The following RNF43 variants were observed in gnomAD, a reference collection of about 807,000 sequenced individuals.
RNF43 encodes ring finger protein 43, also known as E3 ubiquitin-protein ligase RNF43.
A neutral mutation model predicts 78.4 loss-of-function variants in RNF43; 37 were observed. The observed-to-expected ratio is 0.47, with a 90% CI of 0.36 to 0.62. The LOEUF is 0.62. Ranked by LOEUF, RNF43 falls within the 20% of genes least tolerant of loss-of-function variation. The pLI is 0.00. For synonymous variants in RNF43, 347 were observed against 395.0 expected (o/e 0.88, Z 1.44); for missense variants, 774 against 1,007.9 (o/e 0.77, Z 3.14).
At chr17:58,396,902 C>A (rs1200485526) in intron 2 of RNF43, among the ~76,000 whole-genome samples, 1 of 152,042 alleles carries the variant, frequency 6.6e-6, no homozygotes, top group African/African-American at 2.4e-5. Flanking sequence ...TCAAATAATT[C>A]TCTGTCACTG....
At chr17:58,412,842 C>T (rs375928103) in intron 2 of RNF43, among the ~76,000 whole-genome samples, 25 of 151,096 alleles carry the variant, frequency 1.7e-4, no homozygotes, top group African/African-American at 5.8e-4. Context: ...TTTTAAATCA[C>T]TGTTCTCATA....
At chr17:58,397,056 A>G (rs1280159474) in intron 2 of RNF43, among the ~76,000 whole-genome samples, 1 of 152,090 alleles carries the variant, frequency 6.6e-6, no homozygotes, top group African/African-American at 2.4e-5. Context: ...AAAAAAAAAA[A>G]AACTCCGTGT....
At chr17:58,386,819 T>C (rs1170247704) in intron 2 of RNF43, among the ~76,000 whole-genome samples, 1 of 149,344 alleles carries the variant, frequency 6.7e-6, no homozygotes, top group Non-Finnish European at 1.5e-5. Context: ...CTTTATATTC[T>C]TTTTTTTTTA....
chr17:58,413,825 T>C (rs117507353), intron 2 of RNF43, among the ~76,000 whole-genome samples: 3,043 of 152,314 alleles, frequency 0.02, 59 homozygotes, highest in Non-Finnish European at 0.026. Flanking sequence ...CCACTGAACA[T>C]GCTATCACAG....
chr17:58,407,302 A>G (rs999323426), intron 2 of RNF43, among the ~76,000 whole-genome samples: 2 of 151,546 alleles, frequency 1.3e-5, no homozygotes, highest in African/African-American at 4.9e-5. Flanking sequence ...CTGGTCTCCA[A>G]CTCCTGACTT....
chr17:58,371,224 C>A (rs943031800), intron 2 of RNF43, among the ~76,000 whole-genome samples, 191 bp from the exon 3 acceptor site: 1 of 152,168 alleles, frequency 6.6e-6, no homozygotes, highest in African/African-American at 2.4e-5. Flanking sequence ...GATGCTGGGG[C>A]CAAGGACACA....
At chr17:58,366,987 G>A (rs554189669) in intron 3 of RNF43, among the ~76,000 whole-genome samples, 14 of 143,642 alleles carry the variant, frequency 9.7e-5, no homozygotes, top group African/African-American at 3.2e-4. Context: ...CACAAGGCCC[G>A]GCTAATTTTT....
chr17:58,377,905 C>CT (rs1303073699), intron 2 of RNF43, among the ~76,000 whole-genome samples: 1 of 152,024 alleles, frequency 6.6e-6, no homozygotes, highest in African/African-American at 2.4e-5. Context: ...ATTACCTGAA[C>CT]TTTTATCTTA....
chr17:58,391,470 C>CCT (rs1035448385), intron 2 of RNF43, among the ~76,000 whole-genome samples: 95 of 152,226 alleles, frequency 6.2e-4, no homozygotes, highest in African/African-American at 2.2e-3. Flanking sequence ...ATTGTGTGTC[C>CCT]CTGCATGTCT....
intron 9 of RNF43, among the ~76,000 whole-genome samples, chr17:58,356,769 C>T (rs934420240): frequency 2.6e-5 from 4 of 151,978 alleles, no homozygotes; most frequent in African/African-American, 9.7e-5. Context: ...CACTTCTTAG[C>T]CTTCTTTGTA....
chr17:58,405,100 CAG>C (rs1201264524), intron 2 of RNF43, among the ~76,000 whole-genome samples: 1 of 100,392 alleles, frequency 1.0e-5, no homozygotes, highest in Non-Finnish European at 1.8e-5. Flanking sequence ...TTTTTTGAGA[CAG>C]AGTCTTGCTC....
chr17:58,386,916 G>C (rs1006331816), intron 2 of RNF43, among the ~76,000 whole-genome samples: 1 of 152,144 alleles, frequency 6.6e-6, no homozygotes, highest in Middle Eastern at 3.4e-3. Flanking sequence ...GCCTCCCAAA[G>C]TGCTGAGATT....
downstream of RNF43, chr17:58,352,929 T>A (rs1972592475): frequency 1.9e-5 from 4 of 213,994 alleles, no homozygotes; most frequent in Admixed American, 1.8e-4. Flanking sequence ...CTATAGGCAC[T>A]AAACCACCAC....
At chr17:58,364,969 G>A (rs1972918758) in intron 3 of RNF43, among the ~76,000 whole-genome samples, 1 of 152,194 alleles carries the variant, frequency 6.6e-6, no homozygotes, top group Non-Finnish European at 1.5e-5. Flanking sequence ...GCAGGCAGAG[G>A]AGACACTCAA....
At chr17:58,385,992 C>T (rs1320087035) in intron 2 of RNF43, among the ~76,000 whole-genome samples, 1 of 152,120 alleles carries the variant, frequency 6.6e-6, no homozygotes, top group Non-Finnish European at 1.5e-5. Flanking sequence ...TGTCTGTAAT[C>T]CCAGCTACTC....
chr17:58,415,285 T>C (rs1974098988), intron 2 of RNF43, 41 bp downstream of exon 2: 3 of 1,607,132 alleles, frequency 1.9e-6, no homozygotes, highest in Non-Finnish European at 2.6e-6. Flanking sequence ...AAGACATATT[T>C]CAAACAGATG....
At chr17:58,383,765 G>A (rs1345538748) in intron 2 of RNF43, among the ~76,000 whole-genome samples, 3 of 152,174 alleles carry the variant, frequency 2.0e-5, no homozygotes, top group South Asian at 2.1e-4. Context: ...TTACAGGCAT[G>A]TGCCACCATG....
chr17:58,391,140 G>A (rs1973548730), intron 2 of RNF43, among the ~76,000 whole-genome samples: 1 of 152,218 alleles, frequency 6.6e-6, no homozygotes, highest in Non-Finnish European at 1.5e-5. Flanking sequence ...GCCAACCGGA[G>A]ATATGGAGTA....
intron 2 of RNF43, among the ~76,000 whole-genome samples, chr17:58,393,975 GAACCT>G (rs1326130744): frequency 1.3e-5 from 2 of 152,360 alleles, no homozygotes; most frequent in East Asian, 3.9e-4. Flanking sequence ...AGAATGGCGT[GAACCT>G]GGGAGGCGGA....
Sources: allele counts gnomAD v4.1 joint callset (sites outside exome capture counted in the v4.1 genomes callset), GRCh38; gene constraint gnomAD v4.1.1; transcripts MANE v1.5; gene names NCBI Gene and HGNC (gene_info 2026-07-23, HGNC 2026-07-21).